The following UPF1 variants were observed in gnomAD, a reference collection of about 807,000 sequenced individuals.
The protein encoded by UPF1 is regulator of nonsense transcripts 1.
In UPF1, 9 loss-of-function variants were observed where a neutral mutation model predicts 129.2. That is an observed-to-expected ratio of 0.07 (90% CI 0.04 to 0.12). The LOEUF is 0.12. Ranked by LOEUF, UPF1 falls within the 10% of genes least tolerant of loss-of-function variation. The pLI is 1.00. For missense variants in UPF1, 788 were observed against 1,525.3 expected, an observed-to-expected ratio of 0.52 and a Z score of 8.05; for synonymous variants, 649 against 644.9, an observed-to-expected ratio of 1.01 and a Z score of -0.10.
At position 18,865,929 on chromosome 19, in the gene UPF1, C is replaced by T. The variant is rs1364340434; in HGVS notation, c.3238-115C>T. 3.8e-6 allele frequency: 6 copies of T among 1,587,600 alleles called. No individual in the cohort carries two copies. In the South Asian group the frequency reaches 5.6e-5, roughly 15 times the overall value. On this transcript the variant is annotated intron_variant, in intron 22 of 23. Transcript: ENST00000262803. The surrounding 1 kb of genome is among the most constrained non-coding windows in gnomAD (Gnocchi z 6.1). ...GGCTGGGGTCATCAGAGTGGGTCTCCTGGGTCTTAGTTTGGGGACGGGTTT... is the reference window on the plus strand; with the variant it reads ...GGCTGGGGTCATCAGAGTGGGTCTCTTGGGTCTTAGTTTGGGGACGGGTTT...
intron 5 of UPF1, 30 bp from the exon 6 acceptor site, chr19:18,852,105 C>T (rs752229790): frequency 8.3e-6 from 13 of 1,571,892 alleles, no homozygotes; most frequent in Non-Finnish European, 7.8e-6. Flanking sequence ...AAAAACAGGA[C>T]GAGTGTGGCG....
In UPF1 at chr19:18,850,832, G is replaced by A. The variant is rs747466118; in HGVS notation, c.774G>A (p.Thr258=). 2.8e-5 allele frequency: 45 copies of A among 1,603,778 alleles called. No individual in the cohort carries two copies. Among genetic ancestry groups the A allele is most frequent in the African/African-American group, 1.2e-4 (9 of 74,794 alleles). The part of the protein sequence containing the change: ...EQEQLRARQI[T]AQQINKLEEL... ...AGCAGCTGCGGGCACGCCAGATCAC[G>A]GCACAGCAGATCAACAAGCTGGAGG... Residue 258 remains threonine, a synonymous_variant, in exon 5 of 24, where the codon ACG becomes ACA. Coordinates refer to ENST00000262803, the MANE Select transcript of UPF1 (RefSeq NM_002911.4). This position sits in a 1 kb window ranked among gnomAD's most constrained non-coding sequence, Gnocchi z 7.1.
At chr19:18,854,759 C>T (rs1343442369) in intron 9 of UPF1, 50 bp downstream of exon 9, 1 of 1,606,462 alleles carries the variant, frequency 6.2e-7, no homozygotes, top group Admixed American at 1.7e-5. Flanking sequence ...CCACCTGTGG[C>T]ATCTTTATGA....
intron 22 of UPF1, 21 bp from the exon 23 acceptor site, chr19:18,866,023 C>T (rs752940982): frequency 5.6e-6 from 9 of 1,612,896 alleles, no homozygotes; most frequent in East Asian, 2.2e-5. Context: ...GGCTTGCTTA[C>T]CTCCTGACCT....
chr19:18,843,127 G>T (rs1277502445), intron 1 of UPF1, among the ~76,000 whole-genome samples: 1 of 152,140 alleles, frequency 6.6e-6, no homozygotes, highest in Non-Finnish European at 1.5e-5. Flanking sequence ...CTGGCCTCCT[G>T]CCCTCTCTTT....
rs749082127 is a variant in UPF1, at chr19:18,855,253, C to T, written c.1544+11C>T. 3 of 1,608,236 alleles carry T rather than the reference C, an allele frequency of 1.9e-6. No homozygotes were observed. Among genetic ancestry groups the T allele is most frequent in the Admixed American group, 3.3e-5 (2 of 59,994 alleles). ...CCGGCAAGGCAACGGGTAGGGCTGA[C>T]ACGGCCCTTGCGGGCAAGACCCGGG... is the stretch of plus-strand genomic sequence containing the variant. On this transcript the variant is annotated intron_variant, in intron 11 of 23. Transcript: ENST00000262803.
chr19:18,837,702 T>C (rs2055498048), intron 1 of UPF1, among the ~76,000 whole-genome samples: 1 of 152,160 alleles, frequency 6.6e-6, no homozygotes, highest in Admixed American at 6.5e-5. Context: ...ACCTTGTAGA[T>C]AGATGCTGCT....
At chr19:18,855,859 T>C (rs2055711328) in intron 11 of UPF1, 66 bp from the exon 12 acceptor site, 1 of 1,573,968 alleles carries the variant, frequency 6.4e-7, no homozygotes, top group Non-Finnish European at 8.6e-7. Flanking sequence ...AAAAACAGAG[T>C]CTTGGCTTAC....
chr19:18,846,048 G>C lies in UPF1; in HGVS notation c.300G>C (p.Leu100Phe). 1 of 1,614,214 alleles carries C rather than the reference G, an allele frequency of 6.2e-7. No individual in the cohort carries two copies. The highest frequency in any genetic ancestry group is 8.5e-7 in the Non-Finnish European group (1 of 1,180,036). The change falls in exon 2 of 24, where the codon TTG becomes TTC. Residue 100 changes from leucine (L) to phenylalanine (F), a missense_variant. Physicochemically the swap from Leu to Phe is conservative, Grantham distance 22 (BLOSUM62 0). Around this residue, in one of 6 missense-constraint regions of UPF1, gnomAD observed 227 missense variants for 517.9 expected, o/e 0.44. Coordinates refer to ENST00000262803, the MANE Select transcript of UPF1 (RefSeq NM_002911.4). ...DDSVAKTSQLLAELNFEEDEE... is the reference protein window; with the variant it reads ...DDSVAKTSQLFAELNFEEDEE... Reference sequence around the variant, plus strand: ...GTGTAGCCAAGACCAGCCAGTTGTTGGCTGAGTTGAACTTCGAGGAAGATG... The same window carrying C: ...GTGTAGCCAAGACCAGCCAGTTGTTCGCTGAGTTGAACTTCGAGGAAGATG...
At chr19:18,843,747 G>GT (rs2055567738) in intron 1 of UPF1, among the ~76,000 whole-genome samples, 2 of 150,908 alleles carry the variant, frequency 1.3e-5, no homozygotes, top group Non-Finnish European at 1.5e-5. Flanking sequence ...GTGTGTGTGT[G>GT]TGTGTTGTTG....
chr19:18,839,217 G>A (rs1406024024), intron 1 of UPF1, among the ~76,000 whole-genome samples: 1 of 152,014 alleles, frequency 6.6e-6, no homozygotes, highest in Admixed American at 6.5e-5. Flanking sequence ...TCAGCCTCCC[G>A]AGTAGCTGGG....
At position 18,860,406 on chromosome 19, in the gene UPF1, G is replaced by A. The variant is rs771579705; in HGVS notation, c.2268G>A (p.Glu756=). Residue 756 remains glutamate, a synonymous_variant, in exon 16 of 24, where the codon GAG becomes GAA. Coordinates refer to ENST00000262803, the MANE Select transcript of UPF1 (RefSeq NM_002911.4). ...TCTACGTGACCCAGGGCCAAGAGGA[G>A]ATTGCCAGCTCGGGCACCTCCTACC... is the stretch of plus-strand genomic sequence containing the variant. ...MFFYVTQGQE[E]IASSGTSYLN... is the part of the protein sequence containing the mutation. 2 of 1,614,004 alleles carry A rather than the reference G, an allele frequency of 1.2e-6. No homozygotes were observed. Among genetic ancestry groups the A allele is most frequent in the Admixed American group, 1.7e-5 (1 of 60,004 alleles).
chr19:18,835,721 G>A (rs779129389), intron 1 of UPF1, among the ~76,000 whole-genome samples: 2 of 152,194 alleles, frequency 1.3e-5, no homozygotes, highest in African/African-American at 2.4e-5. Context: ...TGTTTATCTC[G>A]TCATCTGTTG....
chr19:18,844,682 C>G (rs577280489), intron 1 of UPF1, among the ~76,000 whole-genome samples: 2 of 152,194 alleles, frequency 1.3e-5, no homozygotes, highest in South Asian at 4.2e-4. Flanking sequence ...CCTCAAAGGA[C>G]TTTATTGGAG....
chr19:18,848,209 G>C, intron 3 of UPF1: 1 of 225,340 alleles, frequency 4.4e-6, no homozygotes, highest in Admixed American at 5.3e-5. Flanking sequence ...GCTCTGGCCT[G>C]AGCTCATCGG....
chr19:18,843,084 G>C (rs2145940111), intron 1 of UPF1, among the ~76,000 whole-genome samples: 1 of 152,226 alleles, frequency 6.6e-6, no homozygotes, highest in African/African-American at 2.4e-5. Context: ...TGGCCTCCCA[G>C]AGTGCTGGGA....
intron 3 of UPF1, 181 bp from the exon 4 acceptor site, chr19:18,849,894 G>A: frequency 1.5e-6 from 1 of 663,852 alleles, no homozygotes. Flanking sequence ...ATTGATTTTT[G>A]TGCTCAGTGG....
intron 3 of UPF1, 167 bp from the exon 4 acceptor site, chr19:18,849,908 G>C: frequency 1.3e-6 from 1 of 752,744 alleles, no homozygotes; most frequent in Non-Finnish European, 2.1e-6. Flanking sequence ...TCAGTGGGGA[G>C]CTAGTTTGGG....
At chr19:18,852,739 C>T (rs893758800) in intron 6 of UPF1, among the ~76,000 whole-genome samples, 5 of 151,610 alleles carry the variant, frequency 3.3e-5, no homozygotes, top group African/African-American at 1.2e-4. Context: ...GCTCCCTGGC[C>T]ACGGAGGCCT....
Sources: allele counts gnomAD v4.1 joint callset (sites outside exome capture counted in the v4.1 genomes callset), GRCh38; gene constraint gnomAD v4.1.1; regional missense constraint gnomAD v4.1.1; non-coding constraint Gnocchi (gnomAD v3.1); transcripts MANE v1.5; gene names NCBI Gene and HGNC (gene_info 2026-07-23, HGNC 2026-07-21).